The following CHL1 variants were observed in gnomAD, a reference collection of about 807,000 sequenced individuals.
CHL1 encodes neural cell adhesion molecule L1-like protein.
In CHL1, 96 loss-of-function variants were observed where a neutral mutation model predicts 141.9. That is an observed-to-expected ratio of 0.68 (90% CI 0.57 to 0.80). The LOEUF (loss-of-function observed/expected upper bound fraction) is 0.80. CHL1 is among the 30% of genes least tolerant of loss of function. CHL1 has a pLI of 0.00. For missense variants in CHL1, 1,820 were observed against 1,457.2 expected, an observed-to-expected ratio of 1.25 and a Z score of -4.05; for synonymous variants, 613 against 502.2, an observed-to-expected ratio of 1.22 and a Z score of -2.95.
chr3:405,062 T>C (rs9817504), intron 27 of CHL1, among the ~76,000 whole-genome samples: 148,737 of 152,146 alleles, frequency 0.98, 72,785 homozygotes, highest in East Asian at 1. Context: ...TTCACTAGGG[T>C]TCCACCCTTA....
intron 5 of CHL1, among the ~76,000 whole-genome samples, chr3:336,898 G>GCTTGT (rs1701909949): frequency 6.6e-6 from 1 of 152,194 alleles, no homozygotes; most frequent in Non-Finnish European, 1.5e-5. Flanking sequence ...TGTGCAGCTA[G>GCTTGT]CTTGTCTGTA....
chr3:295,339 G>A (rs947163045), intron 2 of CHL1, among the ~76,000 whole-genome samples: 5 of 152,132 alleles, frequency 3.3e-5, no homozygotes, highest in African/African-American at 9.7e-5. Context: ...CTAGTGTCCC[G>A]AAGCCACAGA....
chr3:388,245 A>G (rs1707916208), intron 19 of CHL1, among the ~76,000 whole-genome samples: 3 of 152,254 alleles, frequency 2.0e-5, no homozygotes, highest in Admixed American at 1.3e-4. Flanking sequence ...ACAATTTCCC[A>G]TACTAGAAAT....
At chr3:205,886 C>G (rs1010091773) in intron 1 of CHL1, among the ~76,000 whole-genome samples, 1 of 152,204 alleles carries the variant, frequency 6.6e-6, no homozygotes, top group Non-Finnish European at 1.5e-5. Flanking sequence ...CTGGGCGATG[C>G]AGACACAGAA....
At chr3:221,412 C>G (rs1387895698) in intron 1 of CHL1, among the ~76,000 whole-genome samples, 2 of 152,192 alleles carry the variant, frequency 1.3e-5, no homozygotes, top group Non-Finnish European at 2.9e-5. Context: ...TCGATATCAA[C>G]TTTTGTTTCA....
At chr3:337,349 C>T (rs1435981222) in intron 5 of CHL1, among the ~76,000 whole-genome samples, 1 of 124,288 alleles carries the variant, frequency 8.0e-6, no homozygotes, top group Non-Finnish European at 1.7e-5. Flanking sequence ...CGCCACCACG[C>T]CCGGCTAATT....
chr3:274,159 C>A (rs1372143038), intron 2 of CHL1, among the ~76,000 whole-genome samples: 1 of 152,074 alleles, frequency 6.6e-6, no homozygotes, highest in Non-Finnish European at 1.5e-5. Context: ...ATTTTTTTCC[C>A]TCCTTGACTA....
intron 15 of CHL1, among the ~76,000 whole-genome samples, chr3:373,185 C>A (rs2125336714): frequency 6.6e-6 from 1 of 152,356 alleles, no homozygotes; most frequent in East Asian, 1.9e-4. Flanking sequence ...TGCCTGGATT[C>A]CTCAGAACTA....
At chr3:328,455 T>A (rs1701179419) in intron 5 of CHL1, 101 bp downstream of exon 5, 4 of 950,894 alleles carry the variant, frequency 4.2e-6, no homozygotes, top group Admixed American at 2.8e-5. Context: ...ATTAACTAAA[T>A]CAACTTATAT....
chr3:254,568 A>G (rs1693988575), intron 2 of CHL1, among the ~76,000 whole-genome samples: 1 of 152,192 alleles, frequency 6.6e-6, no homozygotes, highest in Non-Finnish European at 1.5e-5. Flanking sequence ...GGGCCTTATA[A>G]GCCACGTATC....
chr3:319,608 A>G (rs1014918407), intron 2 of CHL1, 75 bp from the exon 3 acceptor site: 7 of 511,552 alleles, frequency 1.4e-5, no homozygotes, highest in South Asian at 5.2e-5. Flanking sequence ...AAAAAAAAAA[A>G]AAGAAGGTAT....
At chr3:260,213 G>A (rs1378121085) in intron 2 of CHL1, among the ~76,000 whole-genome samples, 5 of 152,046 alleles carry the variant, frequency 3.3e-5, no homozygotes, top group East Asian at 1.9e-4. Context: ...GCAGTGAGTC[G>A]AGATGGTGCC....
At chr3:197,721 G>A (rs1031099095) in intron 1 of CHL1, 1 of 448,888 alleles carries the variant, frequency 2.2e-6, no homozygotes, top group African/African-American at 2.0e-5. Context: ...CCCAGAGAGG[G>A]GCTAGAGCTC....
intron 19 of CHL1, among the ~76,000 whole-genome samples, chr3:387,369 G>A (rs1707833896): frequency 6.6e-6 from 1 of 152,144 alleles, no homozygotes. Context: ...ACTCTGCCCT[G>A]GCTCCTTTTG....
chr3:197,963 T>C (rs1559255645), intron 1 of CHL1: 1 of 364,890 alleles, frequency 2.7e-6, no homozygotes, highest in Non-Finnish European at 5.4e-6. Context: ...GCCGGGAGGC[T>C]GGGGAAAGCC....
intron 1 of CHL1, among the ~76,000 whole-genome samples, chr3:235,372 A>T (rs1179664610): frequency 6.6e-6 from 1 of 150,982 alleles, no homozygotes; most frequent in Non-Finnish European, 1.5e-5. Context: ...GAAGGACATT[A>T]AAAAAAAAGC....
intron 19 of CHL1, among the ~76,000 whole-genome samples, chr3:388,698 CTG>C (rs869207324): frequency 9.5e-5 from 8 of 84,262 alleles, no homozygotes; most frequent in Non-Finnish European, 2.4e-4. Context: ...AGAGGAGCTA[CTG>C]TTTTTTTGTA....
At chr3:377,576 T>C (rs1407674980) in intron 15 of CHL1, among the ~76,000 whole-genome samples, 1 of 152,126 alleles carries the variant, frequency 6.6e-6, no homozygotes, top group Non-Finnish European at 1.5e-5. Context: ...TGCAAACAGA[T>C]GGTTAGATTT....
chr3:261,529 G>A (rs574805114), intron 2 of CHL1, among the ~76,000 whole-genome samples: 28 of 152,256 alleles, frequency 1.8e-4, no homozygotes, highest in Middle Eastern at 3.4e-3. Context: ...TTCACTACCT[G>A]TTTGGCCTCA....
Sources: allele counts gnomAD v4.1 joint callset (sites outside exome capture counted in the v4.1 genomes callset), GRCh38; gene constraint gnomAD v4.1.1; transcripts MANE v1.5; gene names NCBI Gene and HGNC (gene_info 2026-07-23, HGNC 2026-07-21).